The following ZNF831 variants were observed in gnomAD, a reference collection of about 807,000 sequenced individuals.
ZNF831 encodes chromosome 20 open reading frame 174.
Under a neutral mutation model 95.8 loss-of-function variants are expected in ZNF831, and 59 were observed. That is an observed-to-expected ratio of 0.62 (90% CI 0.50 to 0.77). The LOEUF is 0.77. Among genes scored for constraint, ZNF831 ranks in the 30% least tolerant of loss-of-function variants. The probability of loss-of-function intolerance (pLI) is 0.00; values close to 1 mark genes in which losing one functional copy is unlikely to be tolerated. For missense variants in ZNF831, 2,205 were observed against 2,164.0 expected (o/e 1.02, Z -0.38); for synonymous variants, 961 against 925.5 (o/e 1.04, Z -0.70).
Position 59,192,897 on chromosome 20 carries a change from G to A in ZNF831, c.1878G>A (p.Glu626=), listed in dbSNP as rs1224281818. The A allele has an allele frequency of 1.3e-6, 2 of 1,596,860 alleles. No individual in the cohort carries two copies. The highest frequency in any genetic ancestry group is 1.7e-5 in the Admixed American group (1 of 58,226). ...SQEKWQVYGD[E]TFKRIYQKMK... is the part of the protein sequence containing the mutation. ...AGAAGTGGCAGGTGTACGGGGATGA[G>A]ACGTTCAAAAGGATCTACCAGAAAA... The change falls in exon 2 of 6, where the codon GAG becomes GAA. Residue 626 remains glutamate, a synonymous_variant. Transcript: ENST00000371030. This position sits in a 1 kb window ranked among gnomAD's most constrained non-coding sequence, Gnocchi z 5.2.
In ZNF831 at chr20:59,169,868, C is replaced by G. The variant is rs1480134998; in HGVS notation, c.-37+5661C>G. Among the ~76,000 whole-genome samples, 1 of 151,908 alleles carries G rather than the reference C, an allele frequency of 6.6e-6. No homozygotes were observed. The highest frequency in any genetic ancestry group is 2.1e-4 in the South Asian group (1 of 4,808). On this transcript the variant is annotated intron_variant, in intron 1 of 5. Coordinates refer to ENST00000371030, the MANE Select transcript of ZNF831 (RefSeq NM_178457.3). This position sits in a 1 kb window ranked among gnomAD's most constrained non-coding sequence, Gnocchi z 4.1. ...TGAGCCAAGATCATGCCACTTCACTCTAGCCTGGGCAATAGAGCAAGACTC... is the reference window on the plus strand; with the variant it reads ...TGAGCCAAGATCATGCCACTTCACTGTAGCCTGGGCAATAGAGCAAGACTC...
rs2146579952 is a variant in ZNF831 at position 59,193,260 on chromosome 20, C to T, written c.2241C>T (p.Pro747=). The T allele has an allele frequency of 1.2e-6, 2 of 1,607,492 alleles. No homozygotes were observed. The highest frequency in any genetic ancestry group is 2.7e-5 in the African/African-American group (2 of 74,834). ...RDSPCSGSRS[P]LVSPNGRLEL... ...GTCCCTGTTCAGGCAGTAGGAGCCC[C>T]CTGGTCTCTCCAAATGGGAGGCTGG... Residue 747 remains proline (P), a synonymous_variant, in exon 2 of 6, where the codon CCC becomes CCT. Coordinates refer to ENST00000371030, the MANE Select transcript of ZNF831 (RefSeq NM_178457.3).
At chr20:59,189,478 C>T (rs995617295) in intron 1 of ZNF831, among the ~76,000 whole-genome samples, 1 of 152,088 alleles carries the variant, frequency 6.6e-6, no homozygotes, top group Non-Finnish European at 1.5e-5. Context: ...GCTCAATGTG[C>T]TGCTACTTCT....
chr20:59,251,197 A>G (rs940690446), intron 4 of ZNF831, among the ~76,000 whole-genome samples: 2 of 152,194 alleles, frequency 1.3e-5, no homozygotes, highest in African/African-American at 4.8e-5. Context: ...ACAGAACCAC[A>G]TTTTTCTAAA....
At chr20:59,204,114 A>G (rs1168845012) in intron 3 of ZNF831, among the ~76,000 whole-genome samples, 2 of 152,206 alleles carry the variant, frequency 1.3e-5, no homozygotes, top group African/African-American at 4.8e-5. Context: ...TGTATGGGAG[A>G]AGGGCACTCT....
chr20:59,225,999 A>G (rs1433818697), intron 4 of ZNF831, among the ~76,000 whole-genome samples: 1 of 152,160 alleles, frequency 6.6e-6, no homozygotes, highest in Admixed American at 6.5e-5. Flanking sequence ...GGTTGCCTTC[A>G]TCCCTAGGCA....
chr20:59,243,599 C>G (rs937427478), intron 4 of ZNF831, among the ~76,000 whole-genome samples: 4 of 152,200 alleles, frequency 2.6e-5, no homozygotes, highest in Admixed American at 2.0e-4. Flanking sequence ...CCCTAGGACT[C>G]CCTCATCCAC....
chr20:59,186,356 C>A (rs545369990), intron 1 of ZNF831, among the ~76,000 whole-genome samples: 3 of 152,042 alleles, frequency 2.0e-5, no homozygotes, highest in Admixed American at 1.3e-4. Context: ...GGGGAAGAGA[C>A]AAGGGTAGGA....
chr20:59,165,468 T>G (rs6026741), intron 1 of ZNF831, among the ~76,000 whole-genome samples: 2,037 of 152,298 alleles, frequency 0.013, 48 homozygotes, highest in African/African-American at 0.047. Flanking sequence ...AAACACAGCA[T>G]GGAGAGTTTA....
At chr20:59,124,489 A>G (rs753172833) in intron 1 of ZNF831, among the ~76,000 whole-genome samples, 6 of 152,230 alleles carry the variant, frequency 3.9e-5, no homozygotes, top group Non-Finnish European at 5.9e-5. Context: ...CTTCACAAGC[A>G]TGATTAGCTG....
chr20:59,164,728 A>T (rs1428718772), intron 1 of ZNF831, among the ~76,000 whole-genome samples: 2 of 152,212 alleles, frequency 1.3e-5, no homozygotes, highest in African/African-American at 4.8e-5. Flanking sequence ...TGAGATTTAC[A>T]AGGGCCAATA....
intron 5 of ZNF831, 29 bp from the exon 6 acceptor site, chr20:59,253,869 C>CCGTG: frequency 1.9e-6 from 2 of 1,067,576 alleles, no homozygotes; most frequent in Non-Finnish European, 2.5e-6. Flanking sequence ...TCCCCCCCCA[C>CCGTG]TTTTTTTTTC....
At chr20:59,196,113 G>T (rs1309521309) in intron 3 of ZNF831, 108 bp downstream of exon 3, 1 of 1,433,624 alleles carries the variant, frequency 7.0e-7, no homozygotes, top group South Asian at 1.4e-5. Flanking sequence ...TGTTTCCTAG[G>T]GTTTAGAGCT....
At chr20:59,183,652 C>T (rs1281728246) in intron 1 of ZNF831, among the ~76,000 whole-genome samples, 1 of 152,226 alleles carries the variant, frequency 6.6e-6, no homozygotes, top group East Asian at 1.9e-4. Context: ...TTATACCTTG[C>T]ATTTCTTGGC....
intron 4 of ZNF831, among the ~76,000 whole-genome samples, chr20:59,248,760 A>G (rs1055737454): frequency 2.0e-5 from 3 of 152,238 alleles, no homozygotes; most frequent in Non-Finnish European, 4.4e-5. Flanking sequence ...GCATATCATC[A>G]CCATTAATTT....
intron 3 of ZNF831, among the ~76,000 whole-genome samples, chr20:59,204,146 T>A (rs1464021131): frequency 1.3e-5 from 2 of 152,160 alleles, no homozygotes; most frequent in Non-Finnish European, 2.9e-5. Context: ...AAATATACAT[T>A]AGTCGTTGAA....
intron 1 of ZNF831, among the ~76,000 whole-genome samples, chr20:59,167,409 A>G (rs1324085446): frequency 1.3e-5 from 2 of 150,726 alleles, no homozygotes; most frequent in African/African-American, 4.9e-5. Context: ...TCTTATTATA[A>G]GCAGGGGTTT....
intron 2 of ZNF831, among the ~76,000 whole-genome samples, chr20:59,152,172 C>A (rs1294929254): frequency 6.6e-6 from 1 of 152,120 alleles, no homozygotes; most frequent in African/African-American, 2.4e-5. Context: ...CTAGAAAGAG[C>A]TAGTAATGAG....
chr20:59,199,410 T>C (rs889996077), intron 3 of ZNF831, among the ~76,000 whole-genome samples: 3 of 152,188 alleles, frequency 2.0e-5, no homozygotes, highest in African/African-American at 7.2e-5. Context: ...TTTCATACTT[T>C]GCAAATCACC....
Sources: gnomAD v4.1 joint callset for allele counts (sites outside exome capture counted in the v4.1 genomes callset) on GRCh38, gnomAD v4.1.1 for gene constraint, Gnocchi (gnomAD v3.1) non-coding constraint, MANE v1.5 for transcripts, NCBI Gene and HGNC (gene_info 2026-07-23, HGNC 2026-07-21) for gene names.